Variants in DNAJC13 observed in about 807,000 individuals in gnomAD.
The protein encoded by DNAJC13 is DnaJ heat shock protein family (Hsp40) member C13, also known as dnaJ homolog subfamily C member 13.
In DNAJC13, 75 loss-of-function variants were observed where a neutral mutation model predicts 290.5. That is an observed-to-expected ratio of 0.26 (90% CI 0.21 to 0.31). The LOEUF is 0.31. Ranked by LOEUF, DNAJC13 falls within the 10% of genes least tolerant of loss-of-function variation. The pLI is 1.00. For synonymous variants in DNAJC13, 862 were observed against 892.0 expected, an observed-to-expected ratio of 0.97 and a Z score of 0.60; for missense variants, 2,260 against 2,674.5, an observed-to-expected ratio of 0.85 and a Z score of 3.42.
At chr3:132,466,505 G>A in intron 19 of DNAJC13, 111 bp downstream of exon 19, 1 of 783,614 alleles carries the variant, frequency 1.3e-6, no homozygotes. Context: ...TCATTGCATT[G>A]AATAGTATAC....
At chr3:132,487,440 TAGAGA>T (rs1934914185) in intron 29 of DNAJC13, among the ~76,000 whole-genome samples, 1 of 151,560 alleles carries the variant, frequency 6.6e-6, no homozygotes, top group Non-Finnish European at 1.5e-5. Flanking sequence ...GTACTTTTAG[TAGAGA>T]CGGGGTTTCA....
intron 1 of DNAJC13, among the ~76,000 whole-genome samples, chr3:132,433,974 G>A (rs1027751239): frequency 6.6e-6 from 1 of 152,192 alleles, no homozygotes; most frequent in Admixed American, 6.5e-5. Flanking sequence ...AGCACTTTGG[G>A]AGGCCAAGGC....
intron 9 of DNAJC13, among the ~76,000 whole-genome samples, chr3:132,455,546 TATC>T (rs1006111312): frequency 6.6e-6 from 1 of 152,140 alleles, no homozygotes; most frequent in African/African-American, 2.4e-5. Context: ...ATGTTCGTAA[TATC>T]ATTACTCATA....
intron 15 of DNAJC13, 39 bp from the exon 16 acceptor site, chr3:132,462,428 T>C (rs1391439288): frequency 1.3e-6 from 2 of 1,577,684 alleles, no homozygotes; most frequent in South Asian, 2.3e-5. Context: ...AATAAAATTC[T>C]TTTTTATTTT....
chr3:132,511,315 T>G (rs977783416), intron 44 of DNAJC13, 71 bp downstream of exon 44: 6 of 1,538,984 alleles, frequency 3.9e-6, no homozygotes, highest in Non-Finnish European at 5.3e-6. Context: ...ATAATCAATT[T>G]TATCAGGGAA....
At chr3:132,526,421 T>C in intron 53 of DNAJC13, 140 bp downstream of exon 53, 4 of 911,718 alleles carry the variant, frequency 4.4e-6, no homozygotes, top group Non-Finnish European at 6.5e-6. Flanking sequence ...AACAATTTTA[T>C]ATTTTATATA....
intron 36 of DNAJC13, among the ~76,000 whole-genome samples, chr3:132,498,203 A>G (rs1000112756): frequency 2.0e-5 from 3 of 152,126 alleles, no homozygotes; most frequent in South Asian, 2.1e-4. Context: ...AAATTGTATT[A>G]TTTTCAAATT....
intron 2 of DNAJC13, among the ~76,000 whole-genome samples, chr3:132,443,125 A>G (rs1160526555): frequency 2.1e-4 from 32 of 152,134 alleles, no homozygotes; most frequent in Admixed American, 2.0e-3. Flanking sequence ...CTCTTCTTTG[A>G]CTTGGGACAC....
chr3:132,428,833 CA>C (rs996340967), intron 1 of DNAJC13, among the ~76,000 whole-genome samples: 8 of 152,164 alleles, frequency 5.3e-5, no homozygotes, highest in African/African-American at 1.9e-4. Context: ...CTCCTGGATT[CA>C]AACAATTCTC....
rs1934522843 is a variant in DNAJC13 at position 132,477,824 on chromosome 3, A to C, written c.2481A>C (p.Ile827=). The part of the protein sequence containing the change: ...KYECLAEEIK[I]GDYYLRLLLE... Reference sequence around the variant, plus strand: ...AGTGCCTGGCAGAGGAAATTAAAATAGGAGACTATTACCTGAGATTACTAT... The same window carrying C: ...AGTGCCTGGCAGAGGAAATTAAAATCGGAGACTATTACCTGAGATTACTAT... The change falls in exon 23 of 56, where the codon ATA becomes ATC. Residue 827 remains isoleucine (I), a synonymous_variant. Transcript: ENST00000260818. 1 of 1,612,988 alleles carries C rather than the reference A, an allele frequency of 6.2e-7. No homozygotes were observed. The highest frequency in any genetic ancestry group is 1.7e-4 in the Middle Eastern group (1 of 6,058).
intron 1 of DNAJC13, among the ~76,000 whole-genome samples, chr3:132,428,949 G>A (rs984458457): frequency 2.0e-5 from 3 of 151,664 alleles, no homozygotes; most frequent in African/African-American, 7.3e-5. Flanking sequence ...TAGCCAGGCT[G>A]GTCTCAAACT....
At chr3:132,504,267 T>C (rs761187593) in intron 41 of DNAJC13, among the ~76,000 whole-genome samples, 5 of 152,028 alleles carry the variant, frequency 3.3e-5, no homozygotes, top group Admixed American at 6.5e-5. Flanking sequence ...TGCCATGCTT[T>C]TCAGTTCCCA....
intron 1 of DNAJC13, among the ~76,000 whole-genome samples, chr3:132,420,335 T>C (rs1213824210): frequency 6.6e-6 from 1 of 152,162 alleles, no homozygotes; most frequent in African/African-American, 2.4e-5. Context: ...GGAAAAAAGC[T>C]TTAATCTCTG....
Position 132,427,134 on chromosome 3 carries a change from T to TATA in DNAJC13, c.-13-7404_-13-7403insATA, listed in dbSNP as rs34351441. On this transcript the variant is annotated intron_variant, in intron 1 of 55. Transcript: ENST00000260818. ...GTGTGTGTGTGTATATATATATATA[T>TATA]TTTTTTTTTTTTTTTGAGACAGGGT... Among the ~76,000 whole-genome samples the TATA allele has an allele frequency of 9.4e-3, 1,087 of 115,142 alleles. 22 individuals are homozygous for TATA. Among genetic ancestry groups the TATA allele is most frequent in the South Asian group, 0.068 (276 of 4,058 alleles). The allele number at this position is 115,142 out of a possible 152,430, so 75.5% of individuals were successfully genotyped here.
At chr3:132,483,921 A>G (rs1363472388) in intron 28 of DNAJC13, among the ~76,000 whole-genome samples, 3 of 152,174 alleles carry the variant, frequency 2.0e-5, no homozygotes, top group East Asian at 3.8e-4. Context: ...CACGCTAGCT[A>G]TTTCTGCTAT....
intron 33 of DNAJC13, among the ~76,000 whole-genome samples, chr3:132,493,771 G>T (rs113803842): frequency 6.6e-6 from 1 of 151,830 alleles, no homozygotes; most frequent in Non-Finnish European, 1.5e-5. Flanking sequence ...TAATTTTGAC[G>T]TTTTTCATGG....
At chr3:132,431,681 C>T (rs533047960) in intron 1 of DNAJC13, among the ~76,000 whole-genome samples, 1 of 152,240 alleles carries the variant, frequency 6.6e-6, no homozygotes, top group East Asian at 1.9e-4. Flanking sequence ...CACAAAAACT[C>T]ATATATGCTT....
chr3:132,427,094 TGTGTGTGTGC>T (rs1559863815), intron 1 of DNAJC13, among the ~76,000 whole-genome samples: 4 of 149,106 alleles, frequency 2.7e-5, no homozygotes, highest in Non-Finnish European at 5.9e-5. Context: ...TGTGTGTGTG[TGTGTGTGTGC>T]ACGTGTGTGT....
At position 132,496,683 on chromosome 3, in the gene DNAJC13, A is replaced by C; in HGVS notation, c.4156+20A>C. On this transcript the variant is annotated intron_variant, in intron 36 of 55. Coordinates refer to ENST00000260818, the MANE Select transcript of DNAJC13 (RefSeq NM_015268.4). ...AAGAAGGTAAGATGTCTGTTCTCAG[A>C]TTTTAATTTATCCTCCAGCTAACCT... 6.3e-7 allele frequency: 1 copy of C among 1,583,444 alleles called. No homozygotes were observed. The highest frequency in any genetic ancestry group is 8.6e-7 in the Non-Finnish European group (1 of 1,167,094).
Sources: allele counts gnomAD v4.1 joint callset (sites outside exome capture counted in the v4.1 genomes callset), GRCh38; gene constraint gnomAD v4.1.1; transcripts MANE v1.5; gene names NCBI Gene and HGNC (gene_info 2026-07-23, HGNC 2026-07-21).